Variants in CHN2 observed in about 807,000 individuals in gnomAD.
CHN2 encodes chimerin 2.
Under a neutral mutation model 56.3 loss-of-function variants are expected in CHN2, and 35 were observed. The observed-to-expected ratio is 0.62, with a 90% CI of 0.47 to 0.82. CHN2 has a LOEUF of 0.82. Ranked by LOEUF, CHN2 falls within the 40% of genes least tolerant of loss-of-function variation. The probability of loss-of-function intolerance (pLI) is 0.00; values close to 1 mark genes in which losing one functional copy is unlikely to be tolerated. For synonymous variants in CHN2, 210 were observed against 212.8 expected (o/e 0.99, Z 0.12); for missense variants, 491 against 580.5 (o/e 0.85, Z 1.58).
At chr7:29,478,726 A>C (rs1037830127) in intron 6 of CHN2, among the ~76,000 whole-genome samples, 1 of 152,208 alleles carries the variant, frequency 6.6e-6, no homozygotes, top group Non-Finnish European at 1.5e-5. Context: ...CCTCACACCC[A>C]TATGCTGCAG....
chr7:29,370,851 C>T (rs1799552502), intron 3 of CHN2, among the ~76,000 whole-genome samples: 1 of 152,182 alleles, frequency 6.6e-6, no homozygotes, highest in Non-Finnish European at 1.5e-5. Flanking sequence ...AGGGTACAGA[C>T]TGATTCAGCA....
At chr7:29,284,054 C>G (rs1457830902) in intron 1 of CHN2, among the ~76,000 whole-genome samples, 1 of 149,258 alleles carries the variant, frequency 6.7e-6, no homozygotes, top group Non-Finnish European at 1.5e-5. Context: ...GCTGGGACTA[C>G]AGACATGCGT....
At chr7:29,307,023 G>A (rs769926352) in intron 1 of CHN2, among the ~76,000 whole-genome samples, 1 of 152,202 alleles carries the variant, frequency 6.6e-6, no homozygotes. Context: ...GAGGACATCC[G>A]TAATCTCTCA....
chr7:29,232,866 G>A (rs1786829505), intron 1 of CHN2, among the ~76,000 whole-genome samples: 2 of 152,190 alleles, frequency 1.3e-5, no homozygotes, highest in South Asian at 4.1e-4. Context: ...ACGGACAGTG[G>A]TGACAGTGAC....
chr7:29,300,637 G>C (rs1036646640), intron 1 of CHN2, among the ~76,000 whole-genome samples: 1 of 152,188 alleles, frequency 6.6e-6, no homozygotes, highest in East Asian at 1.9e-4. Context: ...TAGTGATTCA[G>C]TGTTCAGACT....
chr7:29,338,070 T>C (rs1226179448), intron 1 of CHN2, among the ~76,000 whole-genome samples: 3 of 152,158 alleles, frequency 2.0e-5, no homozygotes, highest in Admixed American at 6.5e-5. Context: ...AGGTTGGAAA[T>C]AGATGAAGGC....
intron 1 of CHN2, among the ~76,000 whole-genome samples, chr7:29,321,570 C>CTTTCTT (rs1554400949): frequency 6.6e-4 from 84 of 128,188 alleles, no homozygotes; most frequent in Non-Finnish European, 1.1e-3. Flanking sequence ...TTCTTTCTTT[C>CTTTCTT]TTTTTTTTTT....
intron 6 of CHN2, among the ~76,000 whole-genome samples, chr7:29,468,812 T>C (rs972939683): frequency 1.3e-5 from 2 of 152,200 alleles, no homozygotes; most frequent in Non-Finnish European, 2.9e-5. Context: ...TAGCTTTCCT[T>C]GTCTTTCTTT....
intron 2 of CHN2, 51 bp from the exon 3 acceptor site, chr7:29,367,881 C>A: frequency 6.7e-7 from 1 of 1,495,614 alleles, no homozygotes; most frequent in Non-Finnish European, 9.2e-7. Flanking sequence ...ATATGTGTTG[C>A]AGTATTCTAA....
At chr7:29,354,940 TTTTATTTATTTA>T (rs58730020) in intron 2 of CHN2, among the ~76,000 whole-genome samples, 8 of 142,040 alleles carry the variant, frequency 5.6e-5, no homozygotes, top group African/African-American at 7.9e-5. Context: ...GGGGCTTTAT[TTTTATTTATTTA>T]TTTATTTATT....
At chr7:29,420,942 T>C (rs1804280117) in intron 6 of CHN2, among the ~76,000 whole-genome samples, 1 of 152,006 alleles carries the variant, frequency 6.6e-6, no homozygotes, top group African/African-American at 2.4e-5. Context: ...CCTGAGTAGT[T>C]AGGATTATAG....
At chr7:29,212,721 C>G in intron 1 of CHN2, 1 of 1,600,444 alleles carries the variant, frequency 6.2e-7, no homozygotes, top group Non-Finnish European at 8.6e-7. Flanking sequence ...CAGGTGAAGA[C>G]CTGGTTCTAG....
intron 6 of CHN2, among the ~76,000 whole-genome samples, chr7:29,467,576 T>A (rs1785641749): frequency 6.6e-6 from 1 of 152,214 alleles, no homozygotes; most frequent in South Asian, 2.1e-4. Context: ...GTGCTTTTTA[T>A]GTTTCTTGGT....
chr7:29,443,304 G>T (rs550581034), intron 6 of CHN2, among the ~76,000 whole-genome samples: 1 of 152,138 alleles, frequency 6.6e-6, no homozygotes, highest in Non-Finnish European at 1.5e-5. Context: ...TGCCCATTTG[G>T]ATGTATAAGC....
chr7:29,407,891 T>A (rs867096927), intron 6 of CHN2, among the ~76,000 whole-genome samples: 2 of 152,072 alleles, frequency 1.3e-5, no homozygotes, highest in African/African-American at 2.4e-5. Context: ...TGGGAGCTTT[T>A]AAAAAAATGC....
At chr7:29,168,918 C>A (rs553131847) in intron 2 of CHN2, among the ~76,000 whole-genome samples, 1 of 152,040 alleles carries the variant, frequency 6.6e-6, no homozygotes, top group Non-Finnish European at 1.5e-5. Context: ...TATTTCTATT[C>A]GCCATGTTTT....
At chr7:29,327,630 G>C (rs1795910462) in intron 1 of CHN2, among the ~76,000 whole-genome samples, 1 of 152,014 alleles carries the variant, frequency 6.6e-6, no homozygotes, top group South Asian at 2.1e-4. Flanking sequence ...CTGATTCTTT[G>C]CCTGTAAAAT....
intron 2 of CHN2, among the ~76,000 whole-genome samples, chr7:29,187,778 C>G (rs540407542): frequency 6.6e-6 from 1 of 152,022 alleles, no homozygotes; most frequent in South Asian, 2.1e-4. Context: ...TTGTCAACAT[C>G]CACTCTCTCC....
chr7:29,283,209 G>A (rs1290115886), intron 1 of CHN2, among the ~76,000 whole-genome samples: 1 of 152,210 alleles, frequency 6.6e-6, no homozygotes, highest in Non-Finnish European at 1.5e-5. Context: ...GGTGGCAGGT[G>A]ACTGTTCTGA....
Sources: allele counts gnomAD v4.1 joint callset (sites outside exome capture counted in the v4.1 genomes callset), GRCh38; gene constraint gnomAD v4.1.1; transcripts MANE v1.5; gene names NCBI Gene and HGNC (gene_info 2026-07-23, HGNC 2026-07-21).